UNC13C: variants seen among roughly 807,000 people sequenced by gnomAD.
UNC13C encodes unc-13 homolog C.
A neutral mutation model predicts 245.4 loss-of-function variants in UNC13C; 174 were observed. The observed-to-expected ratio is 0.71, with a 90% confidence interval of 0.63 to 0.80. The LOEUF is 0.80. Ranked by LOEUF, UNC13C falls within the 30% of genes least tolerant of loss-of-function variation. The pLI is 0.00. For missense variants in UNC13C, 2,829 were observed against 2,602.9 expected (o/e 1.09, Z -1.89); for synonymous variants, 992 against 895.1 (o/e 1.11, Z -1.93).
intron 17 of UNC13C, among the ~76,000 whole-genome samples, chr15:54,374,959 T>C (rs1266012744): frequency 6.6e-6 from 1 of 152,258 alleles, no homozygotes; most frequent in Admixed American, 6.5e-5. Context: ...TTTAATTCTA[T>C]AAATAAACCA....
intron 2 of UNC13C, 119 bp from the exon 3 acceptor site, chr15:54,142,899 T>C (rs2032088555): frequency 1.1e-6 from 1 of 902,002 alleles, no homozygotes; most frequent in Non-Finnish European, 1.7e-6. Flanking sequence ...TGAAACTCTG[T>C]TTATTTATAA....
chr15:54,507,044 A>G, intron 22 of UNC13C, 73 bp from the exon 23 acceptor site: 1 of 944,658 alleles, frequency 1.1e-6, no homozygotes, highest in Non-Finnish European at 1.6e-6. Context: ...AAGTTAACTT[A>G]GGATTAAACT....
rs116030186 is a variant in UNC13C, at chr15:54,033,398, A to T, written c.2983+17512A>T. ...TTTTTTTAATTAAATGACAAGAAAA[A>T]ATTTTTGGATTATTTTGCTAACTTA... On this transcript the variant is annotated intron_variant, in intron 2 of 32. Transcript: ENST00000260323. 3.7e-3 allele frequency among the ~76,000 whole-genome samples: 558 copies of T among 152,168 alleles called. 4 individuals carry two copies. Among genetic ancestry groups the T allele is most frequent in the African/African-American group, 0.013 (544 of 41,512 alleles).
chr15:54,048,689 G>T (rs1897145075), intron 2 of UNC13C: 1 of 313,576 alleles, frequency 3.2e-6, no homozygotes, highest in African/African-American at 2.2e-5. Flanking sequence ...CAACAAAGCA[G>T]CAAAGTCTTA....
Position 54,415,047 on chromosome 15 carries a change from A to G in UNC13C, c.4913A>G (p.Asp1638Gly). The change falls in exon 19 of 33, where the codon GAT becomes GGT. Residue 1638 changes from aspartate (D) to glycine (G), a missense_variant. Physicochemically the swap from Asp to Gly is moderately conservative, Grantham distance 94. Coordinates refer to ENST00000260323, the MANE Select transcript of UNC13C (RefSeq NM_001080534.3). ...ATTATGTGGACTCTTTTTGCTCTGG[A>G]TATGAAATATGCATTAGAAGGTAAT... is the stretch of plus-strand genomic sequence containing the variant. ...AEIMWTLFAL[D>G]MKYALEEHEN... is the part of the protein sequence containing the mutation. 6.2e-7 allele frequency: 1 copy of G among 1,610,258 alleles called. No individual in the cohort carries two copies. The highest frequency in any genetic ancestry group is 8.5e-7 in the Non-Finnish European group (1 of 1,177,582).
intron 13 of UNC13C, chr15:54,321,093 A>G (rs1002554525): frequency 1.4e-5 from 7 of 500,052 alleles, no homozygotes; most frequent in African/African-American, 1.4e-4. Context: ...TTTTAGGACC[A>G]CTTTGACCTC....
intron 19 of UNC13C, among the ~76,000 whole-genome samples, chr15:54,454,269 C>A (rs1176777616): frequency 6.6e-6 from 1 of 152,078 alleles, no homozygotes; most frequent in African/African-American, 2.4e-5. Context: ...AAGAGAAACT[C>A]TGTACCCAGT....
At chr15:54,366,780 T>C (rs1379470001) in intron 17 of UNC13C, among the ~76,000 whole-genome samples, 1 of 152,142 alleles carries the variant, frequency 6.6e-6, no homozygotes, top group Non-Finnish European at 1.5e-5. Context: ...AATGCAGCGT[T>C]TTTCTTCATT....
chr15:53,848,874 C>A, the UNC13C span, among the ~76,000 whole-genome samples: 1 of 152,058 alleles, frequency 6.6e-6, no homozygotes, highest in South Asian at 2.1e-4. Flanking sequence ...ATTGACCTCA[C>A]TAACATTACC....
chr15:54,528,535 T>C (rs1421384610), intron 25 of UNC13C, among the ~76,000 whole-genome samples: 1 of 152,094 alleles, frequency 6.6e-6, no homozygotes, highest in Non-Finnish European at 1.5e-5. Context: ...TTTTTCTTTT[T>C]CTAGTCTATT....
intron 19 of UNC13C, among the ~76,000 whole-genome samples, chr15:54,434,615 G>A (rs553777088): frequency 5.3e-4 from 80 of 151,462 alleles, no homozygotes; most frequent in East Asian, 7.8e-4. Flanking sequence ...CCATAAAACC[G>A]GAAACCATAA....
intron 10 of UNC13C, among the ~76,000 whole-genome samples, chr15:54,268,676 C>G (rs1035223252): frequency 7.2e-5 from 11 of 151,988 alleles, no homozygotes; most frequent in African/African-American, 2.4e-4. Context: ...GCTAATTATT[C>G]CCCATATAAT....
chr15:53,882,591 G>A, the UNC13C span, among the ~76,000 whole-genome samples: 1 of 152,068 alleles, frequency 6.6e-6, no homozygotes, highest in Admixed American at 6.6e-5. Context: ...CATTTGGTAC[G>A]ATAACAGGGC....
At chr15:54,083,097 A>C (rs148396181) in intron 2 of UNC13C, among the ~76,000 whole-genome samples, 51 of 152,244 alleles carry the variant, frequency 3.3e-4, no homozygotes, top group Admixed American at 6.5e-4. Flanking sequence ...CTCAGGGGGA[A>C]GTGCCCACCC....
chr15:54,013,708 G>A lies in UNC13C; in HGVS notation c.805G>A (p.Ala269Thr). ...TTCTGAACTACGAGGGCACGTCAAT[G>A]CTCTCAAGCACTCCATCGATGAGAT... ...ELSELRGHVNALKHSIDEISS... is the reference protein window; with the variant it reads ...ELSELRGHVNTLKHSIDEISS... Residue 269 changes from alanine (A) to threonine (T), a missense_variant, in exon 2 of 33, where the codon GCT becomes ACT. Coordinates refer to ENST00000260323, the MANE Select transcript of UNC13C (RefSeq NM_001080534.3). The A allele has an allele frequency of 1.9e-6, 3 of 1,613,488 alleles. No homozygotes were observed. The highest frequency in any genetic ancestry group is 2.5e-6 in the Non-Finnish European group (3 of 1,179,720).
intron 4 of UNC13C, among the ~76,000 whole-genome samples, chr15:54,159,651 G>A (rs1019334014): frequency 6.6e-6 from 1 of 152,194 alleles, no homozygotes; most frequent in Admixed American, 6.5e-5. Flanking sequence ...CTTGGACATT[G>A]GAACTAGTGG....
chr15:54,297,628 A>G (rs1289510178), intron 11 of UNC13C, among the ~76,000 whole-genome samples, 183 bp from the exon 12 acceptor site: 3 of 152,208 alleles, frequency 2.0e-5, no homozygotes, highest in Non-Finnish European at 2.9e-5. Flanking sequence ...CACTGAGATT[A>G]TAGGCAAGAG....
intron 30 of UNC13C, among the ~76,000 whole-genome samples, chr15:54,608,925 G>A (rs1446282908): frequency 6.6e-6 from 1 of 152,184 alleles, no homozygotes; most frequent in East Asian, 1.9e-4. Flanking sequence ...TGCCTTTTCT[G>A]TAGGATAGTT....
intron 18 of UNC13C, among the ~76,000 whole-genome samples, chr15:54,401,792 T>C: frequency 6.6e-6 from 1 of 152,068 alleles, no homozygotes; most frequent in East Asian, 1.9e-4. Flanking sequence ...CTTGTCTGTC[T>C]TGTCTGAGGG....
Sources: allele counts gnomAD v4.1 joint callset (sites outside exome capture counted in the v4.1 genomes callset), GRCh38; gene constraint gnomAD v4.1.1; transcripts MANE v1.5; gene names NCBI Gene and HGNC (gene_info 2026-07-23, HGNC 2026-07-21).